Variants in GPC5 observed in about 807,000 individuals in gnomAD.
The protein encoded by GPC5 is glypican 5.
Under a neutral mutation model 53.9 loss-of-function variants are expected in GPC5, and 47 were observed. The ratio of observed to expected loss-of-function variants is 0.87; its 90% CI spans 0.69 to 1.11. The LOEUF is 1.11. GPC5 is among the 50% of genes most tolerant of loss of function. The pLI is 0.00. For missense variants in GPC5, 748 were observed against 713.1 expected (o/e 1.05, Z -0.56); for synonymous variants, 286 against 263.3 (o/e 1.09, Z -0.84).
At chr13:92,025,332 CT>C (rs1010727743) in intron 6 of GPC5, among the ~76,000 whole-genome samples, 9 of 152,156 alleles carry the variant, frequency 5.9e-5, no homozygotes, top group African/African-American at 1.9e-4. Flanking sequence ...TCTTCCACCC[CT>C]GATCTCTCCC....
chr13:91,838,394 A>T (rs1313376800), intron 5 of GPC5, among the ~76,000 whole-genome samples: 11 of 151,690 alleles, frequency 7.3e-5, no homozygotes, highest in Admixed American at 6.6e-4. Flanking sequence ...TTTTCATAAC[A>T]CCCCTACAGA....
At chr13:92,742,584 A>G (rs561220129) in intron 7 of GPC5, among the ~76,000 whole-genome samples, 137 of 150,562 alleles carry the variant, frequency 9.1e-4, no homozygotes, top group South Asian at 8.8e-3. Flanking sequence ...TCTTTAGTTT[A>G]ATTAGATCCC....
At chr13:92,568,862 C>T (rs1326856161) in intron 7 of GPC5, among the ~76,000 whole-genome samples, 2 of 152,146 alleles carry the variant, frequency 1.3e-5, no homozygotes, top group South Asian at 2.1e-4. Context: ...AAGGTATGTA[C>T]TGTCTCTGCT....
chr13:92,330,744 A>G (rs930610521), intron 7 of GPC5, among the ~76,000 whole-genome samples: 3 of 152,118 alleles, frequency 2.0e-5, no homozygotes, highest in African/African-American at 7.2e-5. Context: ...GAGATAACAT[A>G]TTTTTTAGGA....
Position 92,111,028 on chromosome 13 carries a change from C to T in GPC5, c.1402-33802C>T, listed in dbSNP as rs534531819. Among the ~76,000 whole-genome samples, 9 of 152,182 alleles carry T rather than the reference C, an allele frequency of 5.9e-5. 1 individual carries two copies. The highest frequency in any genetic ancestry group is 2.2e-4 in the African/African-American group (9 of 41,550). On this transcript the variant is annotated intron_variant, in intron 6 of 7. Transcript: ENST00000377067. Reference sequence around the variant, plus strand: ...TACCTGCCTTGAAGAGCTCCCTTTCCAACTGGCAAAATGTTTCACTTGGAA... The same window carrying T: ...TACCTGCCTTGAAGAGCTCCCTTTCTAACTGGCAAAATGTTTCACTTGGAA...
intron 5 of GPC5, among the ~76,000 whole-genome samples, chr13:91,903,972 A>G (rs1467980507): frequency 6.6e-6 from 1 of 151,924 alleles, no homozygotes; most frequent in African/African-American, 2.4e-5. Context: ...CATTGCCTAT[A>G]TTATGTCTGT....
chr13:92,144,739 T>A (rs2041854164), intron 6 of GPC5, 91 bp from the exon 7 acceptor site: 1 of 1,277,934 alleles, frequency 7.8e-7, no homozygotes, highest in Non-Finnish European at 1.1e-6. Flanking sequence ...TGGATCCACA[T>A]AACAAAATAA....
At chr13:91,893,294 A>C (rs1008865804) in intron 5 of GPC5, among the ~76,000 whole-genome samples, 6 of 151,996 alleles carry the variant, frequency 3.9e-5, no homozygotes, top group African/African-American at 1.4e-4. Flanking sequence ...GTATTTTTGT[A>C]TTTTTATTTG....
chr13:92,716,445 G>A (rs1025493176), intron 7 of GPC5, among the ~76,000 whole-genome samples: 6 of 151,426 alleles, frequency 4.0e-5, no homozygotes, highest in South Asian at 2.1e-4. Context: ...TCTTCCCACC[G>A]AGGCTCCTCA....
intron 7 of GPC5, among the ~76,000 whole-genome samples, chr13:92,546,697 C>A (rs1882128335): frequency 6.6e-6 from 1 of 152,108 alleles, no homozygotes; most frequent in Non-Finnish European, 1.5e-5. Flanking sequence ...CAAAAAAGAG[C>A]CCACATTGCC....
chr13:91,539,530 C>T (rs184015273), intron 2 of GPC5, among the ~76,000 whole-genome samples: 3 of 152,130 alleles, frequency 2.0e-5, no homozygotes, highest in African/African-American at 7.2e-5. Flanking sequence ...GATCTTATTT[C>T]CCATCAATTA....
At chr13:91,447,814 A>G (rs1375202424) in intron 1 of GPC5, among the ~76,000 whole-genome samples, 1 of 152,062 alleles carries the variant, frequency 6.6e-6, no homozygotes, top group Non-Finnish European at 1.5e-5. Flanking sequence ...AAGTAAGGAA[A>G]TAACCGTATT....
intron 7 of GPC5, among the ~76,000 whole-genome samples, chr13:92,843,768 C>A (rs959234788): frequency 6.6e-6 from 1 of 152,138 alleles, no homozygotes; most frequent in Non-Finnish European, 1.5e-5. Flanking sequence ...TTGACTAAAT[C>A]TGTCATCGAT....
intron 6 of GPC5, among the ~76,000 whole-genome samples, chr13:91,920,345 A>G (rs2039699020): frequency 6.6e-6 from 1 of 152,216 alleles, no homozygotes; most frequent in Non-Finnish European, 1.5e-5. Flanking sequence ...AAGACATATT[A>G]AACAATCGCA....
intron 7 of GPC5, among the ~76,000 whole-genome samples, chr13:92,251,086 T>C (rs1926616): frequency 0.57 from 86,828 of 151,918 alleles, 25,073 homozygotes; most frequent in South Asian, 0.65. Flanking sequence ...ATACAGCTGC[T>C]ACAAAGTATC....
intron 2 of GPC5, among the ~76,000 whole-genome samples, chr13:91,607,156 G>T (rs553572352): frequency 6.6e-6 from 1 of 150,968 alleles, no homozygotes; most frequent in South Asian, 2.1e-4. Context: ...CAAACAGATA[G>T]TAAATATGGA....
intron 7 of GPC5, among the ~76,000 whole-genome samples, chr13:92,609,679 A>C (rs1348605674): frequency 5.3e-5 from 8 of 152,126 alleles, no homozygotes; most frequent in Non-Finnish European, 1.2e-4. Flanking sequence ...TGATGCTTTT[A>C]AGTAAGAAAA....
intron 6 of GPC5, among the ~76,000 whole-genome samples, chr13:91,942,724 ATGTG>A (rs372522759): frequency 6.6e-6 from 1 of 151,692 alleles, no homozygotes; most frequent in Non-Finnish European, 1.5e-5. Context: ...AATGTTTTGT[ATGTG>A]TGTGTGTGTT....
chr13:91,985,037 A>T (rs2040394106), intron 6 of GPC5, among the ~76,000 whole-genome samples: 1 of 152,190 alleles, frequency 6.6e-6, no homozygotes, highest in Admixed American at 6.5e-5. Flanking sequence ...TGTTTTTTCT[A>T]ATTAGAAAGT....
Sources: gnomAD v4.1 joint callset for allele counts (sites outside exome capture counted in the v4.1 genomes callset) on GRCh38, gnomAD v4.1.1 for gene constraint, MANE v1.5 for transcripts, NCBI Gene and HGNC (gene_info 2026-07-23, HGNC 2026-07-21) for gene names.